FRMPD2: variants seen among roughly 807,000 people sequenced by gnomAD.
FRMPD2 encodes the protein FERM and PDZ domain-containing protein 2.
In FRMPD2, 96 loss-of-function variants were observed where a neutral mutation model predicts 140.1. The ratio of observed to expected loss-of-function variants is 0.69; its 90% CI spans 0.58 to 0.81. The LOEUF is 0.81. Among genes scored for constraint, FRMPD2 ranks in the 40% least tolerant of loss-of-function variants. FRMPD2 has a pLI of 0.00. For synonymous variants in FRMPD2, 449 were observed against 547.6 expected (o/e 0.82, Z 2.52); for missense variants, 1,240 against 1,447.4 (o/e 0.86, Z 2.32).
intron 1 of FRMPD2, among the ~76,000 whole-genome samples, chr10:48,261,862 T>G (rs919208238): frequency 2.0e-5 from 3 of 152,180 alleles, no homozygotes; most frequent in African/African-American, 4.8e-5. Flanking sequence ...CTCTGTAATA[T>G]GTACCTGTAC....
intron 13 of FRMPD2, among the ~76,000 whole-genome samples, chr10:48,210,187 G>A (rs1254984816): frequency 6.6e-6 from 1 of 152,082 alleles, no homozygotes; most frequent in Non-Finnish European, 1.5e-5. Context: ...GTGCTCTGGG[G>A]ATGATGACAA....
intron 16 of FRMPD2, among the ~76,000 whole-genome samples, chr10:48,188,534 A>G (rs1368655917): frequency 2.0e-5 from 3 of 152,212 alleles, no homozygotes; most frequent in Non-Finnish European, 4.4e-5. Flanking sequence ...AGGGTGGGTC[A>G]GGCATGGGCC....
Position 48,263,522 on chromosome 10 carries a change from T to C in FRMPD2, c.25+11021A>G, listed in dbSNP as rs1023084371. 5.7e-4 allele frequency among the ~76,000 whole-genome samples: 87 copies of C among 152,172 alleles called. 1 individual carries two copies. Among genetic ancestry groups the C allele is most frequent in the African/African-American group, 2.0e-3 (81 of 41,534 alleles). On this transcript the variant is annotated intron_variant, in intron 1 of 28. Coordinates refer to ENST00000374201, the MANE Select transcript of FRMPD2 (RefSeq NM_001018071.4). The stretch of plus-strand genomic sequence containing the variant: ...ATCCCATGGATATTAAAAAGGATAA[T>C]ATGCCCACAAATGTAATGACTTAGA...
intron 10 of FRMPD2, among the ~76,000 whole-genome samples, chr10:48,231,088 A>C (rs1475151469): frequency 6.6e-6 from 1 of 152,230 alleles, no homozygotes; most frequent in East Asian, 1.9e-4. Context: ...ACGTGAGAGT[A>C]GAACAACCAG....
chr10:48,190,764 G>A (rs182273830), intron 16 of FRMPD2, among the ~76,000 whole-genome samples: 34 of 152,250 alleles, frequency 2.2e-4, no homozygotes, highest in Admixed American at 2.0e-3. Context: ...TACGGAGGGC[G>A]CCAATTCAGC....
intron 17 of FRMPD2, among the ~76,000 whole-genome samples, chr10:48,186,766 G>A (rs142515947): frequency 3.5e-4 from 54 of 152,288 alleles, no homozygotes; most frequent in African/African-American, 8.7e-4. Flanking sequence ...TCCAAGTGTC[G>A]GATCTCTTTG....
chr10:48,187,741 C>T (rs746566263), intron 16 of FRMPD2, among the ~76,000 whole-genome samples: 7 of 152,178 alleles, frequency 4.6e-5, no homozygotes, highest in Non-Finnish European at 8.8e-5. Flanking sequence ...AGCTGGAGGC[C>T]TTCAGGCAGG....
chr10:48,227,284 C>T (rs1461099265), intron 10 of FRMPD2, among the ~76,000 whole-genome samples: 2 of 152,072 alleles, frequency 1.3e-5, no homozygotes, highest in Non-Finnish European at 2.9e-5. Flanking sequence ...ATAAAAGTTA[C>T]AATAAGACTC....
chr10:48,232,229 G>A lies in FRMPD2; in HGVS notation c.1054C>T (p.Gln352Ter). The A allele has an allele frequency of 6.2e-7, 1 of 1,614,152 alleles. No individual in the cohort carries two copies. Among genetic ancestry groups the A allele is most frequent in the Non-Finnish European group, 8.5e-7 (1 of 1,180,000 alleles). Residue 352 changes from glutamine to a stop codon, truncating the protein, a stop_gained, in exon 10 of 29, where the codon CAG becomes TAG. Coordinates refer to ENST00000374201, the MANE Select transcript of FRMPD2 (RefSeq NM_001018071.4). LOFTEE classifies it high-confidence loss of function. The part of the protein sequence containing the change: ...RDLCVVLLNG[Q>*]HLEVKCDVES... The stretch of plus-strand genomic sequence containing the variant: ...ACATCACATTTTACCTCCAGGTGCT[G>A]CCCGTTCAGCAGGACCACACAGAGG...
At position 48,168,676 on chromosome 10, in the gene FRMPD2, C is replaced by T. The variant is rs1268898796; in HGVS notation, c.3456G>A (p.Leu1152=). The T allele has an allele frequency of 5.8e-6, 6 of 1,031,280 alleles. 2 individuals carry two copies. Among genetic ancestry groups the T allele is most frequent in the Non-Finnish European group, 8.2e-6 (6 of 731,324 alleles). 63.9% of individuals were successfully genotyped at this position (1,031,280 alleles called of 1,614,324 possible). Residue 1152 remains leucine, a synonymous_variant, in exon 27 of 29, where the codon CTG becomes CTA. Transcript: ENST00000374201. ...GCGTGACTTCCTGTGGGGCCCCTCTCAGTAAATGCAGCACCTCCTGCGAAA... is the reference window on the plus strand; with the variant it reads ...GCGTGACTTCCTGTGGGGCCCCTCTTAGTAAATGCAGCACCTCCTGCGAAA... ...GLIFQEVLHL[L]RGAPQEVTLL...
intron 1 of FRMPD2, among the ~76,000 whole-genome samples, chr10:48,262,746 A>C (rs549568411): frequency 2.0e-5 from 3 of 152,248 alleles, no homozygotes; most frequent in Admixed American, 6.5e-5. Flanking sequence ...TTGGGCCATA[A>C]ACTTTATTGA....
intron 10 of FRMPD2, among the ~76,000 whole-genome samples, chr10:48,231,530 TA>T (rs768748539): frequency 5.9e-5 from 9 of 152,252 alleles, no homozygotes; most frequent in Non-Finnish European, 1.2e-4. Flanking sequence ...TCTTTGTCTA[TA>T]AAGGCTTGCC....
intron 15 of FRMPD2, among the ~76,000 whole-genome samples, chr10:48,196,538 C>T (rs2131854318): frequency 6.6e-6 from 1 of 152,280 alleles, no homozygotes; most frequent in African/African-American, 2.4e-5. Context: ...CAGGCCCAGA[C>T]ACTCCCAGTT....
chr10:48,258,438 G>C (rs1450886098), intron 1 of FRMPD2, among the ~76,000 whole-genome samples: 1 of 152,132 alleles, frequency 6.6e-6, no homozygotes, highest in Non-Finnish European at 1.5e-5. Flanking sequence ...TTAAATAGTG[G>C]CTACAGCACT....
At chr10:48,206,393 C>T (rs555880517) in intron 14 of FRMPD2, among the ~76,000 whole-genome samples, 5 of 152,218 alleles carry the variant, frequency 3.3e-5, no homozygotes, top group African/African-American at 1.2e-4. Context: ...CACTCTCAAC[C>T]CCCATCTCCC....
chr10:48,211,654 C>T (rs140600847), intron 13 of FRMPD2, among the ~76,000 whole-genome samples: 91 of 151,870 alleles, frequency 6.0e-4, no homozygotes, highest in African/African-American at 1.9e-3. Context: ...TGGTGGCAGG[C>T]GCCTGTAATC....
At chr10:48,222,264 AC>A (rs764342653) in intron 12 of FRMPD2, 48 bp downstream of exon 12, 1 of 1,590,614 alleles carries the variant, frequency 6.3e-7, no homozygotes, top group African/African-American at 1.3e-5. Context: ...TCATCCTGTA[AC>A]TGTTTTTCCA....
At chr10:48,178,238 T>C in intron 21 of FRMPD2, 87 bp from the exon 22 acceptor site, 1 of 945,424 alleles carries the variant, frequency 1.1e-6, no homozygotes, top group Non-Finnish European at 1.7e-6. Flanking sequence ...GCAGGCAGCA[T>C]TGCACCTCAG....
chr10:48,227,224 T>TC (rs1177375070), intron 10 of FRMPD2, among the ~76,000 whole-genome samples: 3 of 152,284 alleles, frequency 2.0e-5, no homozygotes, highest in East Asian at 3.9e-4. Flanking sequence ...CAGAAATCGC[T>TC]CTTTTTTTTT....
Sources: gnomAD v4.1 joint callset for allele counts (sites outside exome capture counted in the v4.1 genomes callset) on GRCh38, gnomAD v4.1.1 for gene constraint, MANE v1.5 for transcripts, NCBI Gene and HGNC (gene_info 2026-07-23, HGNC 2026-07-21) for gene names.